The following TMEM26 variants were observed in gnomAD, a reference collection of about 807,000 sequenced individuals.
TMEM26 encodes the protein transmembrane protein 26.
In TMEM26, 38 loss-of-function variants were observed where a neutral mutation model predicts 28.8. That is an observed-to-expected ratio of 1.32 (90% CI 1.02 to 1.73). TMEM26 has a LOEUF of 1.73. Ranked by LOEUF, TMEM26 falls within the 40% of genes most tolerant of loss-of-function variation. The pLI is 0.00. For missense variants in TMEM26, 518 were observed against 447.1 expected (o/e 1.16, Z -1.43); for synonymous variants, 227 against 182.9 (o/e 1.24, Z -1.95).
At chr10:61,426,148 C>G (rs1469667409) in intron 4 of TMEM26, among the ~76,000 whole-genome samples, 1 of 151,940 alleles carries the variant, frequency 6.6e-6, no homozygotes, top group East Asian at 1.9e-4. Flanking sequence ...ATCCCAGAAA[C>G]ATTATGTTAC....
At chr10:61,430,948 C>T (rs567708902) in intron 3 of TMEM26, among the ~76,000 whole-genome samples, 1 of 151,958 alleles carries the variant, frequency 6.6e-6, no homozygotes, top group Non-Finnish European at 1.5e-5. Flanking sequence ...ATATGTCTCT[C>T]AATGTGCACA....
rs982428890 is a variant in TMEM26, at chr10:61,408,242, A to G, written c.*2080T>C. ...GTCCTGGGTGCTCTTTGACTTCCTG[A>G]CCCTCTAAATAAAGCTAGACTTTGG... On this transcript the variant is annotated 3_prime_UTR_variant, in exon 6 of 6. Transcript: ENST00000399298. The G allele has an allele frequency of 5.3e-5, 8 of 152,006 alleles. No homozygotes were observed. Among genetic ancestry groups the G allele is most frequent in the South Asian group, 2.1e-4 (1 of 4,814 alleles). The allele number at this position is 152,006 out of a possible 1,614,324, so 9.4% of individuals were successfully genotyped here.
intron 4 of TMEM26, among the ~76,000 whole-genome samples, chr10:61,415,830 C>T (rs1348814303): frequency 6.6e-6 from 1 of 151,980 alleles, no homozygotes; most frequent in African/African-American, 2.4e-5. Flanking sequence ...AACTAGAGTG[C>T]TAAAGCATTC....
At chr10:61,439,561 T>A (rs1278970912) in intron 1 of TMEM26, among the ~76,000 whole-genome samples, 3 of 152,212 alleles carry the variant, frequency 2.0e-5, no homozygotes, top group Non-Finnish European at 4.4e-5. Context: ...GAACCTTGAA[T>A]TATTATATGT....
At chr10:61,423,912 A>G (rs1238673827) in intron 4 of TMEM26, among the ~76,000 whole-genome samples, 1 of 152,196 alleles carries the variant, frequency 6.6e-6, no homozygotes, top group African/African-American at 2.4e-5. Context: ...AACACCCACC[A>G]AAAAATAATT....
intron 1 of TMEM26, among the ~76,000 whole-genome samples, chr10:61,447,346 T>G (rs888686436): frequency 6.6e-6 from 1 of 152,256 alleles, no homozygotes; most frequent in African/African-American, 2.4e-5. Context: ...TGCTTAAAAC[T>G]TATACATCAA....
intron 1 of TMEM26, 111 bp downstream of exon 1, chr10:61,452,780 G>A: frequency 1.5e-6 from 2 of 1,339,354 alleles, no homozygotes; most frequent in Non-Finnish European, 2.1e-6. Context: ...GAGGAAAAAC[G>A]GGGTCCAAAT....
chr10:61,413,065 C>T, intron 5 of TMEM26: 2 of 792,568 alleles, frequency 2.5e-6, no homozygotes, highest in South Asian at 1.7e-5. Flanking sequence ...CAGCAACTTG[C>T]TAAGCAAACT....
chr10:61,442,783 T>C (rs183874382), intron 1 of TMEM26, among the ~76,000 whole-genome samples: 106 of 152,348 alleles, frequency 7.0e-4, no homozygotes, highest in African/African-American at 2.4e-3. Flanking sequence ...ACATGTAGAC[T>C]CATTTGTCTA....
intron 1 of TMEM26, among the ~76,000 whole-genome samples, chr10:61,446,248 T>G (rs1840178545): frequency 6.6e-6 from 1 of 152,192 alleles, no homozygotes; most frequent in Non-Finnish European, 1.5e-5. Flanking sequence ...AACCATGACT[T>G]GGATTACTAA....
At chr10:61,433,763 T>A (rs995538907) in intron 2 of TMEM26, among the ~76,000 whole-genome samples, 2 of 152,138 alleles carry the variant, frequency 1.3e-5, no homozygotes, top group Non-Finnish European at 2.9e-5. Context: ...TTTTCTACAA[T>A]GAACAACTCA....
At chr10:61,427,129 T>G (rs937191798) in intron 4 of TMEM26, among the ~76,000 whole-genome samples, 3 of 152,024 alleles carry the variant, frequency 2.0e-5, no homozygotes, top group Non-Finnish European at 4.4e-5. Flanking sequence ...CATTAACCAA[T>G]AAAAACTATG....
At chr10:61,448,160 C>G (rs1840216746) in intron 1 of TMEM26, among the ~76,000 whole-genome samples, 1 of 152,234 alleles carries the variant, frequency 6.6e-6, no homozygotes, top group East Asian at 1.9e-4. Flanking sequence ...ATTCACCTGC[C>G]CACCCAGGAG....
rs1840327010 is a variant in TMEM26, at chr10:61,453,324, T to C, written c.-243A>G. On this transcript the variant is annotated 5_prime_UTR_variant, in exon 1 of 6. Transcript: ENST00000399298. ...AACCCAGCTTTTCCAGACTGCTGGG[T>C]TTTCCAGGGAGTCTGGGGCTGCGCT... 1.0e-5 allele frequency: 5 copies of C among 492,376 alleles called. No homozygotes were observed. The highest frequency in any genetic ancestry group is 1.5e-5 in the Non-Finnish European group (4 of 270,504). The allele number at this position is 492,376 out of a possible 1,614,324, so 30.5% of individuals were successfully genotyped here. A position where few individuals can be genotyped will look rare whatever the true frequency, so the allele number is the denominator to read the frequency against.
At chr10:61,436,683 T>C (rs995813548) in intron 1 of TMEM26, among the ~76,000 whole-genome samples, 4 of 152,212 alleles carry the variant, frequency 2.6e-5, no homozygotes, top group Non-Finnish European at 5.9e-5. Flanking sequence ...CCTGGAACTC[T>C]GAGAGCTCAA....
chr10:61,421,619 G>A (rs933179036), intron 4 of TMEM26, among the ~76,000 whole-genome samples: 3 of 152,062 alleles, frequency 2.0e-5, no homozygotes, highest in Non-Finnish European at 2.9e-5. Flanking sequence ...AAGAAAGAGG[G>A]AGAAACTGGA....
chr10:61,450,096 A>G (rs553827219), intron 1 of TMEM26, among the ~76,000 whole-genome samples: 1 of 152,294 alleles, frequency 6.6e-6, no homozygotes, highest in African/African-American at 2.4e-5. Context: ...CAAGATGGAT[A>G]TTAATATTTT....
intron 4 of TMEM26, among the ~76,000 whole-genome samples, chr10:61,422,072 T>C (rs1025739208): frequency 2.0e-5 from 3 of 152,104 alleles, no homozygotes; most frequent in South Asian, 2.1e-4. Flanking sequence ...GAAAAAGTGA[T>C]CATTCATGAT....
intron 5 of TMEM26, among the ~76,000 whole-genome samples, chr10:61,412,254 G>T (rs1054684017): frequency 7.2e-5 from 11 of 152,102 alleles, no homozygotes; most frequent in Non-Finnish European, 1.5e-5. Flanking sequence ...AAATCTGTGT[G>T]TGTGTGTGTG....
Sources: gnomAD v4.1 joint callset for allele counts (sites outside exome capture counted in the v4.1 genomes callset) on GRCh38, gnomAD v4.1.1 for gene constraint, MANE v1.5 for transcripts, NCBI Gene and HGNC (gene_info 2026-07-23, HGNC 2026-07-21) for gene names.